Variants in MADD observed in about 807,000 individuals in gnomAD.
The protein encoded by MADD is MAP kinase-activating death domain protein.
A neutral mutation model predicts 176.7 loss-of-function variants in MADD; 109 were observed. The ratio of observed to expected loss-of-function variants is 0.62; its 90% CI spans 0.53 to 0.72. MADD has a LOEUF of 0.72. MADD is among the 30% of genes least tolerant of loss of function. The pLI is 0.00. For synonymous variants in MADD, 771 were observed against 771.3 expected (o/e 1.00, Z 0.01); for missense variants, 1,914 against 2,045.5 (o/e 0.94, Z 1.24).
chr11:47,302,697 T>A (rs1593878313), intron 22 of MADD, among the ~76,000 whole-genome samples: 1 of 152,152 alleles, frequency 6.6e-6, no homozygotes, highest in East Asian at 1.9e-4. Context: ...TTTTTTTTTT[T>A]AATCCATTCA....
intron 22 of MADD, among the ~76,000 whole-genome samples, chr11:47,306,682 G>T (rs1054019926): frequency 6.6e-6 from 1 of 152,006 alleles, no homozygotes; most frequent in South Asian, 2.1e-4. Context: ...TTCTCTATGT[G>T]GCCATCCTGA....
rs539348232 is a variant in MADD at position 47,302,415 on chromosome 11, T to C, written c.3643-6176T>C. Among the ~76,000 whole-genome samples the C allele has an allele frequency of 5.9e-5, 9 of 152,346 alleles. No homozygotes were observed. In the East Asian group the frequency reaches 1.2e-3, roughly 20 times the overall value. On this transcript the variant is annotated intron_variant, in intron 22 of 32. Transcript: ENST00000402192. Reference sequence around the variant, plus strand: ...TTTTAGTAAAGACAGGGTTTCACCATGTTGGCCAGGCTGGTCTCAAACTCC... The same window carrying C: ...TTTTAGTAAAGACAGGGTTTCACCACGTTGGCCAGGCTGGTCTCAAACTCC...
intron 15 of MADD, 35 bp downstream of exon 15, chr11:47,286,569 C>G: frequency 6.6e-7 from 1 of 1,524,804 alleles, no homozygotes; most frequent in East Asian, 2.3e-5. Flanking sequence ...AGCCAGGTTT[C>G]TCCGGGAGAT....
chr11:47,290,622 G>A (rs1161655712), exon 19 of MADD: 9 of 1,613,398 alleles, frequency 5.6e-6, no homozygotes, highest in East Asian at 4.5e-5. Context: ...CCAGACAAGC[G>A]GAAGAGAAGT....
chr11:47,304,658 A>G (rs2081156424), intron 22 of MADD, among the ~76,000 whole-genome samples: 1 of 152,118 alleles, frequency 6.6e-6, no homozygotes, highest in Non-Finnish European at 1.5e-5. Flanking sequence ...GATTTTGTTG[A>G]ATCATCTATC....
chr11:47,298,513 C>A (rs1415658455), intron 22 of MADD, among the ~76,000 whole-genome samples: 1 of 152,194 alleles, frequency 6.6e-6, no homozygotes, highest in Admixed American at 6.5e-5. Context: ...CTCATTTGCC[C>A]ATTTTTAAAT....
exon 14 of MADD, chr11:47,285,488 G>A (rs1487659144): frequency 1.2e-6 from 2 of 1,614,044 alleles, no homozygotes; most frequent in African/African-American, 1.3e-5. Flanking sequence ...CTTGAGACTG[G>A]CAAGTGACTC....
intron 2 of MADD, 60 bp downstream of exon 2, chr11:47,274,036 T>C: frequency 1.4e-6 from 2 of 1,457,820 alleles, no homozygotes; most frequent in Non-Finnish European, 1.9e-6. Flanking sequence ...AATCTGCAGT[T>C]GTTCCCTTCT....
At chr11:47,292,174 A>G (rs1247835125) in intron 19 of MADD, among the ~76,000 whole-genome samples, 3 of 152,178 alleles carry the variant, frequency 2.0e-5, no homozygotes, top group South Asian at 4.1e-4. Context: ...AGTGTGTGGC[A>G]TGGTGGGAGT....
chr11:47,272,123 A>G (rs1292098563), intron 1 of MADD: 3 of 152,182 alleles, frequency 2.0e-5, no homozygotes, highest in Non-Finnish European at 2.9e-5. Flanking sequence ...TCTAGGTTCG[A>G]GGAGAGTGAA....
rs879151795 is a variant in MADD, at chr11:47,290,539, C to T, written c.3095-71C>T. ...TTCCGCACCCTCCTGTATCCTGGCT[C>T]CTCCCACCTCATATCTGCGCCTTGA... On this transcript the variant is annotated intron_variant, in intron 18 of 32. Transcript: ENST00000402192. The T allele has an allele frequency of 1.7e-5, 25 of 1,471,330 alleles. 1 individual carries two copies. In the South Asian group the frequency reaches 2.6e-4, roughly 16 times the overall value. The allele number at this position is 1,471,330 out of a possible 1,614,324, so 91.1% of individuals were successfully genotyped here. A position where few individuals can be genotyped will look rare whatever the true frequency, so the allele number is the denominator to read the frequency against.
intron 30 of MADD, chr11:47,324,846 T>A: frequency 1.6e-6 from 1 of 636,592 alleles, no homozygotes; most frequent in South Asian, 1.8e-5. Flanking sequence ...TCCGTTGGAC[T>A]CCACACAGTG....
intron 22 of MADD, among the ~76,000 whole-genome samples, chr11:47,304,764 C>T (rs1032702572): frequency 3.3e-5 from 5 of 151,992 alleles, no homozygotes; most frequent in African/African-American, 4.8e-5. Context: ...GGGTCTATTA[C>T]CAAAGAGTTA....
intron 23 of MADD, 53 bp from the exon 27 acceptor site, chr11:47,309,228 G>A (rs2085873572): frequency 6.3e-7 from 1 of 1,588,542 alleles, no homozygotes; most frequent in African/African-American, 1.4e-5. Flanking sequence ...TTGTTTGGCA[G>A]CTATATTCTT....
intron 22 of MADD, among the ~76,000 whole-genome samples, chr11:47,302,376 G>A (rs1185286548): frequency 1.3e-5 from 2 of 152,094 alleles, no homozygotes; most frequent in Admixed American, 1.3e-4. Flanking sequence ...GCCATGCCCA[G>A]CTAATTTTTG....
At chr11:47,284,507 C>G (rs752247841) in exon 12 of MADD, 8 of 1,614,122 alleles carry the variant, frequency 5.0e-6, no homozygotes, top group Non-Finnish European at 6.8e-6. Context: ...CCACTGCGCT[C>G]CAGCTCTAGC....
At chr11:47,294,778 A>G (rs1446519102) in intron 20 of MADD, among the ~76,000 whole-genome samples, 1 of 152,134 alleles carries the variant, frequency 6.6e-6, no homozygotes, top group Non-Finnish European at 1.5e-5. Flanking sequence ...CAATATTAGT[A>G]TCCATTAAAG....
At chr11:47,306,887 GTTTA>G (rs2083187519) in intron 22 of MADD, among the ~76,000 whole-genome samples, 1 of 151,986 alleles carries the variant, frequency 6.6e-6, no homozygotes, top group African/African-American at 2.4e-5. Flanking sequence ...TTTTAAAAAT[GTTTA>G]TTTATTTACT....
intron 25 of MADD, among the ~76,000 whole-genome samples, chr11:47,310,642 A>C (rs1021608557): frequency 5.9e-5 from 9 of 152,014 alleles, no homozygotes; most frequent in Non-Finnish European, 1.2e-4. Flanking sequence ...GCGGTGGCTC[A>C]TGCCTGTAAT....
Sources: gnomAD v4.1 joint callset for allele counts (sites outside exome capture counted in the v4.1 genomes callset) on GRCh38, gnomAD v4.1.1 for gene constraint, MANE v1.5 for transcripts, NCBI Gene and HGNC (gene_info 2026-07-23, HGNC 2026-07-21) for gene names.